TTLL9: variants seen among roughly 807,000 people sequenced by gnomAD.
TTLL9 encodes probable tubulin polyglutamylase TTLL9.
TTLL9 carries 47 observed loss-of-function variants against 65.6 expected under a neutral mutation model. The observed-to-expected ratio is 0.72, with a 90% CI of 0.57 to 0.91. The LOEUF is 0.91. Ranked by LOEUF, TTLL9 falls within the 40% of genes least tolerant of loss-of-function variation. The probability of loss-of-function intolerance (pLI) is 0.00; values close to 1 mark genes in which losing one functional copy is unlikely to be tolerated. For missense variants in TTLL9, 537 were observed against 568.8 expected (o/e 0.94, Z 0.57); for synonymous variants, 179 against 204.8 (o/e 0.87, Z 1.07).
chr20:31,879,767 G>A (rs957051127), intron 2 of TTLL9: 1 of 1,523,468 alleles, frequency 6.6e-7, no homozygotes, highest in African/African-American at 1.4e-5. Context: ...GCATGCCCTT[G>A]GCTCATCCAA....
intron 4 of TTLL9, 24 bp from the exon 5 acceptor site, chr20:31,908,567 T>TG: frequency 6.4e-7 from 1 of 1,573,838 alleles, no homozygotes; most frequent in Non-Finnish European, 8.7e-7. Flanking sequence ...ATGACCTTTA[T>TG]CCCCGCCCCC....
At chr20:31,937,337 A>C (rs2064129321) in intron 12 of TTLL9, 59 bp from the exon 13 acceptor site, 1 of 1,283,624 alleles carries the variant, frequency 7.8e-7, no homozygotes, top group African/African-American at 1.5e-5. Flanking sequence ...TCTCAGTGAA[A>C]TCCTAGGGGC....
intron 2 of TTLL9, among the ~76,000 whole-genome samples, chr20:31,886,430 T>A (rs1409428701): frequency 6.6e-6 from 1 of 152,154 alleles, no homozygotes; most frequent in Non-Finnish European, 1.5e-5. Flanking sequence ...ATTTGAAAGG[T>A]CCAATTGGGG....
At chr20:31,916,788 G>T (rs548710156) in intron 6 of TTLL9, among the ~76,000 whole-genome samples, 1 of 152,180 alleles carries the variant, frequency 6.6e-6, no homozygotes, top group South Asian at 2.1e-4. Context: ...ATTTCTTCCC[G>T]ATCCCCTTTC....
Position 31,944,147 on chromosome 20 carries a change from A to G in TTLL9, c.*1126A>G. ...GACCTTCTGCCTTCAGAGCATGAGG[A>G]CTTCTCCCACTCATCCCTGTACCTG... is the stretch of plus-strand genomic sequence containing the variant. On this transcript the variant is annotated 3_prime_UTR_variant, in exon 15 of 15. Coordinates refer to ENST00000535842, the MANE Select transcript of TTLL9 (RefSeq NM_001008409.5). 3.9e-6 allele frequency: 1 copy of G among 258,684 alleles called. No homozygotes were observed. Among genetic ancestry groups the G allele is most frequent in the Non-Finnish European group, 7.9e-6 (1 of 126,442 alleles). The allele number at this position is 258,684 out of a possible 1,614,324, so 16.0% of individuals were successfully genotyped here. A position where few individuals can be genotyped will look rare whatever the true frequency, so the allele number is the denominator to read the frequency against.
intron 7 of TTLL9, among the ~76,000 whole-genome samples, chr20:31,921,625 A>G (rs1600597699): frequency 6.6e-6 from 1 of 152,222 alleles, no homozygotes. Flanking sequence ...CATATACACC[A>G]TGAAATACTA....
intron 2 of TTLL9, chr20:31,883,920 G>A (rs2063152450): frequency 7.2e-6 from 3 of 415,736 alleles, no homozygotes; most frequent in African/African-American, 4.1e-5. Context: ...AGTCAACTTT[G>A]TACAAACCAG....
intron 2 of TTLL9, among the ~76,000 whole-genome samples, chr20:31,877,842 T>C (rs2063057827): frequency 6.6e-6 from 1 of 152,228 alleles, no homozygotes; most frequent in African/African-American, 2.4e-5. Flanking sequence ...AAAATCCTGA[T>C]TGGATTGGGG....
intron 8 of TTLL9, among the ~76,000 whole-genome samples, chr20:31,923,811 G>A (rs965789075): frequency 1.3e-5 from 2 of 151,950 alleles, no homozygotes; most frequent in African/African-American, 4.8e-5. Flanking sequence ...CAGCCCCTGG[G>A]CCTCTTCTCC....
chr20:31,909,956 G>GGA, intron 6 of TTLL9, 34 bp downstream of exon 6: 2 of 658,916 alleles, frequency 3.0e-6, no homozygotes, highest in Non-Finnish European at 5.6e-6. Context: ...GGGTGGGAGG[G>GGA]AATGAGTCCC....
At chr20:31,880,064 G>A (rs1158498271) in intron 2 of TTLL9, among the ~76,000 whole-genome samples, 2 of 151,966 alleles carry the variant, frequency 1.3e-5, no homozygotes, top group Non-Finnish European at 2.9e-5. Flanking sequence ...AAAACAGGAA[G>A]AAAAAAAGCC....
intron 2 of TTLL9, chr20:31,879,955 G>C: frequency 7.2e-7 from 1 of 1,388,842 alleles, no homozygotes; most frequent in South Asian, 1.2e-5. Flanking sequence ...GAGGAAAGCA[G>C]CAGAGGGATT....
intron 3 of TTLL9, among the ~76,000 whole-genome samples, chr20:31,889,038 G>GCA (rs3220144): frequency 0.31 from 45,493 of 147,150 alleles, 7,215 homozygotes; most frequent in South Asian, 0.44. Flanking sequence ...TTTTATAAAG[G>GCA]CACACACACA....
chr20:31,883,932 G>T, intron 2 of TTLL9: 1 of 423,016 alleles, frequency 2.4e-6, no homozygotes, highest in Non-Finnish European at 4.3e-6. Context: ...ACAAACCAGA[G>T]TTTTCACCAG....
At chr20:31,936,953 C>CTGGGCG (rs1487846974) in intron 12 of TTLL9, among the ~76,000 whole-genome samples, 10 of 151,872 alleles carry the variant, frequency 6.6e-5, no homozygotes, top group Admixed American at 6.6e-4. Flanking sequence ...AAGAAATTGG[C>CTGGGCG]TGGGCGTGGT....
chr20:31,882,622 T>G (rs545265852), intron 2 of TTLL9, among the ~76,000 whole-genome samples: 1 of 152,222 alleles, frequency 6.6e-6, no homozygotes, highest in East Asian at 1.9e-4. Context: ...AATAAGATAA[T>G]TTTTTAAAAA....
Position 31,870,868 on chromosome 20 carries a change from G to A in TTLL9, c.-87G>A. ...GAAAGCACCCAACTTCTCCCGCCTC[G>A]GCTTCTAGCAGAAACGTGACGGGGC... On this transcript the variant is annotated 5_prime_UTR_variant, in exon 1 of 15. Coordinates refer to ENST00000535842, the MANE Select transcript of TTLL9 (RefSeq NM_001008409.5). This position sits in a 1 kb window ranked among gnomAD's most constrained non-coding sequence, Gnocchi z 6.6. 1.9e-6 allele frequency: 1 copy of A among 538,510 alleles called. No homozygotes were observed. Among genetic ancestry groups the A allele is most frequent in the South Asian group, 2.8e-5 (1 of 36,112 alleles). 33.4% of individuals were successfully genotyped at this position (538,510 alleles called of 1,614,324 possible). A position where few individuals can be genotyped will look rare whatever the true frequency, so the allele number is the denominator to read the frequency against.
intron 4 of TTLL9, among the ~76,000 whole-genome samples, chr20:31,904,708 T>C (rs2063526480): frequency 6.6e-6 from 1 of 152,140 alleles, no homozygotes; most frequent in Non-Finnish European, 1.5e-5. Context: ...AATTGCAAAA[T>C]GGTTACTCTC....
At chr20:31,940,691 C>T (rs2064190159) in intron 14 of TTLL9, 1 of 152,212 alleles carries the variant, frequency 6.6e-6, no homozygotes, top group South Asian at 2.1e-4. Flanking sequence ...GTACGACAGC[C>T]TCATTCATAG....
Sources: gnomAD v4.1 joint callset for allele counts (sites outside exome capture counted in the v4.1 genomes callset) on GRCh38, gnomAD v4.1.1 for gene constraint, Gnocchi (gnomAD v3.1) non-coding constraint, MANE v1.5 for transcripts, NCBI Gene and HGNC (gene_info 2026-07-23, HGNC 2026-07-21) for gene names.